The following CDH12 variants were observed in gnomAD, a reference collection of about 807,000 sequenced individuals.
The protein encoded by CDH12 is cadherin 12.
Under a neutral mutation model 74.1 loss-of-function variants are expected in CDH12, and 41 were observed. The observed-to-expected ratio is 0.55, with a 90% CI of 0.43 to 0.72. The LOEUF (loss-of-function observed/expected upper bound fraction) is 0.72, where lower values mean the gene tolerates loss of function less well. Among genes scored for constraint, CDH12 ranks in the 30% least tolerant of loss-of-function variants. CDH12 has a pLI of 0.00. For missense variants in CDH12, 945 were observed against 977.2 expected, an observed-to-expected ratio of 0.97 and a Z score of 0.44; for synonymous variants, 399 against 355.0, an observed-to-expected ratio of 1.12 and a Z score of -1.39.
intron 4 of CDH12, among the ~76,000 whole-genome samples, chr5:22,115,367 C>T (rs1384485978): frequency 4.6e-5 from 7 of 152,110 alleles, no homozygotes; most frequent in Admixed American, 4.6e-4. Flanking sequence ...TAGTTACAAA[C>T]ACATATTTTA....
chr5:22,242,924 G>A (rs767606671), intron 3 of CDH12, among the ~76,000 whole-genome samples: 21 of 151,424 alleles, frequency 1.4e-4, no homozygotes, highest in Middle Eastern at 3.4e-3. Context: ...GATGCTTTCC[G>A]CTTCAGGTAT....
At chr5:21,810,112 C>T (rs891885950) in intron 9 of CDH12, among the ~76,000 whole-genome samples, 15 of 152,036 alleles carry the variant, frequency 9.9e-5, no homozygotes, top group African/African-American at 2.9e-4. Flanking sequence ...TATGAACATG[C>T]CTGTAAATGT....
chr5:22,702,277 A>C (rs1291366683), intron 1 of CDH12, among the ~76,000 whole-genome samples: 1 of 152,110 alleles, frequency 6.6e-6, no homozygotes, highest in Non-Finnish European at 1.5e-5. Flanking sequence ...GGAGGCCTAG[A>C]CCCACTAACA....
chr5:22,649,108 AAGGT>A (rs1232899901), intron 1 of CDH12, among the ~76,000 whole-genome samples: 2 of 151,980 alleles, frequency 1.3e-5, no homozygotes, highest in African/African-American at 2.4e-5. Context: ...ACTGTCAAAA[AAGGT>A]AGGAGGGTGA....
chr5:21,912,337 A>C (rs955673713), intron 6 of CDH12, among the ~76,000 whole-genome samples: 1 of 152,018 alleles, frequency 6.6e-6, no homozygotes, highest in East Asian at 1.9e-4. Flanking sequence ...AGGGACTTAC[A>C]TAACTCTTAA....
At chr5:21,979,562 A>G (rs2150126059) in intron 5 of CDH12, among the ~76,000 whole-genome samples, 1 of 152,316 alleles carries the variant, frequency 6.6e-6, no homozygotes, top group East Asian at 1.9e-4. Context: ...TATTTTAGAA[A>G]CTACTGCACA....
chr5:21,799,154 A>G (rs1746970507), intron 10 of CDH12, among the ~76,000 whole-genome samples: 1 of 152,220 alleles, frequency 6.6e-6, no homozygotes, highest in Admixed American at 6.5e-5. Context: ...ACATGTTATT[A>G]GAAACTAGAG....
At chr5:21,771,775 T>C (rs1745337487) in intron 11 of CDH12, among the ~76,000 whole-genome samples, 1 of 152,190 alleles carries the variant, frequency 6.6e-6, no homozygotes, top group Non-Finnish European at 1.5e-5. Context: ...AATGTAAATT[T>C]TCCCCCATGA....
intron 1 of CDH12, among the ~76,000 whole-genome samples, chr5:22,804,845 A>G (rs1748703512): frequency 6.6e-6 from 1 of 152,180 alleles, no homozygotes; most frequent in South Asian, 2.1e-4. Flanking sequence ...TAATTATGAA[A>G]TTGTACGTAC....
chr5:22,310,810 C>T (rs1340909527), intron 3 of CDH12, among the ~76,000 whole-genome samples: 1 of 152,152 alleles, frequency 6.6e-6, no homozygotes, highest in Admixed American at 6.5e-5. Flanking sequence ...TCTTTCTAAT[C>T]TGATCATATT....
chr5:22,106,978 G>A (rs1744481518), intron 4 of CDH12, among the ~76,000 whole-genome samples: 1 of 152,080 alleles, frequency 6.6e-6, no homozygotes, highest in South Asian at 2.1e-4. Context: ...ACAAAGGAAG[G>A]TGTTTTTGTT....
intron 4 of CDH12, among the ~76,000 whole-genome samples, chr5:22,200,321 G>C (rs974704507): frequency 6.6e-6 from 1 of 152,120 alleles, no homozygotes; most frequent in East Asian, 1.9e-4. Context: ...ATAGGAATTA[G>C]TGTAGCTCCC....
intron 4 of CDH12, among the ~76,000 whole-genome samples, chr5:22,164,511 G>A (rs1219632531): frequency 6.6e-6 from 1 of 152,186 alleles, no homozygotes; most frequent in East Asian, 1.9e-4. Context: ...GGTGGACAGC[G>A]AGTGAAAGCT....
At chr5:22,416,815 GAA>G (rs1385635813) in intron 2 of CDH12, among the ~76,000 whole-genome samples, 2 of 152,166 alleles carry the variant, frequency 1.3e-5, no homozygotes, top group Non-Finnish European at 2.9e-5. Context: ...ATCTGAAATT[GAA>G]AGAGACTAAG....
chr5:22,712,213 G>A (rs962981007), intron 1 of CDH12, among the ~76,000 whole-genome samples: 4 of 151,230 alleles, frequency 2.6e-5, no homozygotes, highest in South Asian at 2.1e-4. Flanking sequence ...CATAAATATG[G>A]GTAAAAATGA....
At chr5:22,300,564 C>T (rs958462711) in intron 3 of CDH12, among the ~76,000 whole-genome samples, 3 of 152,172 alleles carry the variant, frequency 2.0e-5, no homozygotes, top group Admixed American at 6.5e-5. Context: ...AATTGAAAAA[C>T]GTGAATGACA....
At chr5:21,802,008 C>T (rs533237921) in intron 10 of CDH12, among the ~76,000 whole-genome samples, 159 bp downstream of exon 10, 11 of 152,258 alleles carry the variant, frequency 7.2e-5, no homozygotes, top group African/African-American at 2.2e-4. Flanking sequence ...AATCCTATAA[C>T]ATTTCCTCTA....
chr5:22,366,551 G>T (rs1038146003), intron 3 of CDH12, among the ~76,000 whole-genome samples: 5 of 151,982 alleles, frequency 3.3e-5, no homozygotes, highest in Non-Finnish European at 7.4e-5. Context: ...CACCCATAAT[G>T]AATTTGTTTT....
intron 4 of CDH12, among the ~76,000 whole-genome samples, chr5:22,118,144 A>T (rs1244519674): frequency 6.6e-6 from 1 of 152,152 alleles, no homozygotes; most frequent in African/African-American, 2.4e-5. Context: ...GCTTAGATAC[A>T]CAGTCCCAAC....
Sources: gnomAD v4.1 joint callset for allele counts (sites outside exome capture counted in the v4.1 genomes callset) on GRCh38, gnomAD v4.1.1 for gene constraint, MANE v1.5 for transcripts, NCBI Gene and HGNC (gene_info 2026-07-23, HGNC 2026-07-21) for gene names.